The following EYS variants were observed in gnomAD, a reference collection of about 807,000 sequenced individuals.
The protein encoded by EYS is protein eyes shut homolog.
Under a neutral mutation model 282.1 loss-of-function variants are expected in EYS, and 250 were observed. The observed-to-expected ratio is 0.89, with a 90% CI of 0.80 to 0.98. The LOEUF (loss-of-function observed/expected upper bound fraction) is 0.98. EYS is among the 50% of genes least tolerant of loss of function. EYS has a pLI of 0.00. For missense variants in EYS, 4,016 were observed against 3,709.0 expected (o/e 1.08, Z -2.15); for synonymous variants, 1,355 against 1,282.9 (o/e 1.06, Z -1.20).
At chr6:64,223,828 T>G (rs1265690507) in intron 31 of EYS, among the ~76,000 whole-genome samples, 1 of 152,086 alleles carries the variant, frequency 6.6e-6, no homozygotes, top group Non-Finnish European at 1.5e-5. Context: ...TAGCCCTGAA[T>G]TAGAAATATA....
At chr6:64,635,903 A>G (rs1164983644) in intron 22 of EYS, among the ~76,000 whole-genome samples, 3 of 152,182 alleles carry the variant, frequency 2.0e-5, no homozygotes, top group African/African-American at 4.8e-5. Context: ...GAATGGTACC[A>G]GCTCCTCCTT....
At chr6:64,728,608 T>TA (rs2149950099) in intron 22 of EYS, among the ~76,000 whole-genome samples, 1 of 152,308 alleles carries the variant, frequency 6.6e-6, no homozygotes, top group African/African-American at 2.4e-5. Flanking sequence ...GTGCTGAGAT[T>TA]ATAGGTGTGA....
chr6:64,736,814 T>A (rs1162188663), intron 22 of EYS, among the ~76,000 whole-genome samples: 1 of 152,090 alleles, frequency 6.6e-6, no homozygotes, highest in South Asian at 2.1e-4. Flanking sequence ...AAGGGAAGCT[T>A]ACTATTGAAG....
intron 37 of EYS, among the ~76,000 whole-genome samples, chr6:63,798,987 G>GTA (rs56290982): frequency 0.11 from 9,604 of 85,528 alleles, 321 homozygotes; most frequent in Middle Eastern, 0.18. Context: ...GTATATGTGT[G>GTA]TATATATATA....
chr6:65,547,239 A>G (rs965914623), intron 2 of EYS, among the ~76,000 whole-genome samples: 4 of 150,532 alleles, frequency 2.7e-5, no homozygotes. Flanking sequence ...CACTATTTCC[A>G]CAGATATTTT....
intron 22 of EYS, among the ~76,000 whole-genome samples, chr6:64,747,158 A>C (rs1189184748): frequency 1.3e-5 from 2 of 152,214 alleles, no homozygotes; most frequent in African/African-American, 4.8e-5. Context: ...AAAGCAAGTA[A>C]AACTACTTTG....
At chr6:64,516,007 C>G (rs1418485669) in intron 26 of EYS, among the ~76,000 whole-genome samples, 1 of 151,678 alleles carries the variant, frequency 6.6e-6, no homozygotes, top group Non-Finnish European at 1.5e-5. Flanking sequence ...TTAAAAGTCA[C>G]CTAAGATGTA....
chr6:63,841,027 T>C (rs941406871), intron 36 of EYS, among the ~76,000 whole-genome samples: 2 of 152,208 alleles, frequency 1.3e-5, no homozygotes, highest in African/African-American at 4.8e-5. Context: ...CTTAAACAGA[T>C]AATTTCTAGT....
chr6:65,144,787 T>C lies in EYS; in HGVS notation c.2024-87060A>G, dbSNP rs79832422. Among the ~76,000 whole-genome samples the C allele has an allele frequency of 8.9e-3, 1,353 of 151,538 alleles. 14 individuals carry two copies. Among genetic ancestry groups the C allele is most frequent in the African/African-American group, 0.031 (1,283 of 41,358 alleles). Reference sequence around the variant, plus strand: ...TTACTTACTTTTTTTTTTTTTGAGATGGAGTCTCTGTCACCCAGGCTGGAT... The same window carrying C: ...TTACTTACTTTTTTTTTTTTTGAGACGGAGTCTCTGTCACCCAGGCTGGAT... On this transcript the variant is annotated intron_variant, in intron 12 of 42. Transcript: ENST00000503581.
intron 26 of EYS, among the ~76,000 whole-genome samples, chr6:64,512,250 A>C (rs560240868): frequency 6.6e-6 from 1 of 152,236 alleles, no homozygotes; most frequent in East Asian, 1.9e-4. Context: ...CTGAAGAGTT[A>C]GAATATATTT....
intron 39 of EYS, among the ~76,000 whole-genome samples, chr6:63,782,349 G>A (rs1168324342): frequency 6.6e-6 from 1 of 152,144 alleles, no homozygotes; most frequent in Admixed American, 6.5e-5. Context: ...TTGTACCTCT[G>A]GTGGAATTCA....
intron 7 of EYS, among the ~76,000 whole-genome samples, chr6:65,392,551 G>C (rs1482570344): frequency 2.0e-5 from 3 of 152,182 alleles, no homozygotes; most frequent in Non-Finnish European, 4.4e-5. Context: ...CATTTGTGCA[G>C]GCAAAAGACA....
chr6:65,535,831 C>T (rs1444141347), intron 2 of EYS, among the ~76,000 whole-genome samples: 2 of 152,068 alleles, frequency 1.3e-5, no homozygotes, highest in Non-Finnish European at 2.9e-5. Flanking sequence ...AACACCCTCA[C>T]AGAAACACCC....
chr6:65,490,179 T>C (rs1765986872), intron 5 of EYS: 1 of 154,114 alleles, frequency 6.5e-6, no homozygotes, highest in Non-Finnish European at 1.4e-5. Flanking sequence ...GATGTAATAA[T>C]ATCTTCCTTT....
At position 65,087,541 on chromosome 6, in the gene EYS, C is replaced by G. The variant is rs150898793; in HGVS notation, c.2024-29814G>C. On this transcript the variant is annotated intron_variant, in intron 12 of 42. Transcript: ENST00000503581. The stretch of plus-strand genomic sequence containing the variant: ...CATTCTTTTCACTCTTCCTCTTTCA[C>G]CCACCTCATATTAATTGGAAGACTC... 7.4e-3 allele frequency among the ~76,000 whole-genome samples: 1,125 copies of G among 152,172 alleles called. 22 individuals carry two copies. Among genetic ancestry groups the G allele is most frequent in the African/African-American group, 0.024 (1,008 of 41,494 alleles).
intron 22 of EYS, among the ~76,000 whole-genome samples, chr6:64,812,967 A>G (rs996950219): frequency 1.1e-4 from 16 of 152,080 alleles, no homozygotes; most frequent in Admixed American, 2.6e-4. Context: ...TAAAATTTTT[A>G]TAACCTATTA....
chr6:64,175,240 C>A (rs192805632), intron 31 of EYS, among the ~76,000 whole-genome samples: 1 of 152,174 alleles, frequency 6.6e-6, no homozygotes, highest in Non-Finnish European at 1.5e-5. Flanking sequence ...TATTAATTTA[C>A]ATTGATTTAT....
rs144756862 is a variant in EYS, at chr6:64,179,372, C to A, written c.6424+51220G>T. Among the ~76,000 whole-genome samples the A allele has an allele frequency of 2.6e-3, 400 of 152,056 alleles. 2 individuals are homozygous for A. Among genetic ancestry groups the A allele is most frequent in the African/African-American group, 9.2e-3 (381 of 41,512 alleles). On this transcript the variant is annotated intron_variant, in intron 31 of 42. Transcript: ENST00000503581. ...AAGTTTTTAAAAAAGACCTAAAATG[C>A]CAATTTTAAATCACAGTATAAACCA...
At chr6:65,426,126 C>T (rs564403992) in intron 5 of EYS, among the ~76,000 whole-genome samples, 9 of 152,090 alleles carry the variant, frequency 5.9e-5, no homozygotes, top group African/African-American at 2.2e-4. Flanking sequence ...AGGTGTATGC[C>T]ACCTCACCCA....
Sources: allele counts gnomAD v4.1 joint callset (sites outside exome capture counted in the v4.1 genomes callset), GRCh38; gene constraint gnomAD v4.1.1; transcripts MANE v1.5; gene names NCBI Gene and HGNC (gene_info 2026-07-23, HGNC 2026-07-21).